JAM3: variants seen among roughly 807,000 people sequenced by gnomAD.
JAM3 encodes junctional adhesion molecule C.
In JAM3, 31 loss-of-function variants were observed where a neutral mutation model predicts 39.4. That is an observed-to-expected ratio of 0.79 (90% CI 0.59 to 1.06). The LOEUF (loss-of-function observed/expected upper bound fraction) is 1.06, where lower values mean the gene tolerates loss of function less well. Ranked by LOEUF, JAM3 falls within the 50% of genes least tolerant of loss-of-function variation. The pLI, the probability that JAM3 is intolerant of heterozygous loss-of-function variation, is 0.00. For missense variants in JAM3, 455 were observed against 391.4 expected (o/e 1.16, Z -1.37); for synonymous variants, 182 against 148.7 (o/e 1.22, Z -1.63).
intron 1 of JAM3, chr11:134,070,198 C>T: frequency 2.2e-6 from 1 of 456,244 alleles, no homozygotes; most frequent in Non-Finnish European, 4.4e-6. Flanking sequence ...CTTTCCAAGG[C>T]TGCATTCTAA....
chr11:134,095,354 C>G (rs540436199), intron 1 of JAM3, among the ~76,000 whole-genome samples: 17 of 151,990 alleles, frequency 1.1e-4, no homozygotes, highest in Non-Finnish European at 2.2e-4. Context: ...CTAATAGGCC[C>G]AGCGCAGTGG....
intron 1 of JAM3, among the ~76,000 whole-genome samples, chr11:134,093,628 A>T (rs1941918002): frequency 8.8e-6 from 1 of 113,788 alleles, no homozygotes; most frequent in African/African-American, 3.7e-5. Context: ...CTTATTCGTC[A>T]TGTTCCATCT....
chr11:134,112,569 A>G (rs1031087921), intron 1 of JAM3, among the ~76,000 whole-genome samples: 1 of 152,224 alleles, frequency 6.6e-6, no homozygotes, highest in African/African-American at 2.4e-5. Flanking sequence ...CATTTCCTGC[A>G]GTATATACTA....
At chr11:134,145,147 C>A in intron 5 of JAM3, 153 bp downstream of exon 5, 1 of 708,318 alleles carries the variant, frequency 1.4e-6, no homozygotes, top group Non-Finnish European at 2.5e-6. Context: ...AAAAATGACC[C>A]TTCTTCCTTT....
chr11:134,097,837 A>G lies in JAM3; in HGVS notation c.76+28678A>G, dbSNP rs920827965. Among the ~76,000 whole-genome samples the G allele has an allele frequency of 3.3e-5, 5 of 151,488 alleles. No homozygotes were observed. In the East Asian group the frequency reaches 5.8e-4, roughly 17 times the overall value. ...CTTCAGATTTTTAAATTTAAAGTCT[A>G]TTCTTAATTTTCTTTTATATATATG... On this transcript the variant is annotated intron_variant, in intron 1 of 8. Coordinates refer to ENST00000299106, the MANE Select transcript of JAM3 (RefSeq NM_032801.5).
chr11:134,140,860 G>A lies in JAM3; in HGVS notation c.256+90G>A, dbSNP rs532237402. On this transcript the variant is annotated intron_variant, in intron 3 of 8. Coordinates refer to ENST00000299106, the MANE Select transcript of JAM3 (RefSeq NM_032801.5). The stretch of plus-strand genomic sequence containing the variant: ...TTGGCCAGAAACTTACCTCAGACTG[G>A]TAACCTGCATCTGTAGCTAGGACCG... 25 of 1,502,384 alleles carry A rather than the reference G, an allele frequency of 1.7e-5. No individual in the cohort carries two copies. In the African/African-American group the frequency reaches 3.1e-4, roughly 19 times the overall value. The allele number at this position is 1,502,384 out of a possible 1,614,324, so 93.1% of individuals were successfully genotyped here. A position where few individuals can be genotyped will look rare whatever the true frequency, so the allele number is the denominator to read the frequency against.
intron 5 of JAM3, 125 bp downstream of exon 5, chr11:134,145,119 T>C (rs1407133386): frequency 1.2e-6 from 1 of 811,552 alleles, no homozygotes; most frequent in Non-Finnish European, 2.1e-6. Context: ...AAATCTAGAA[T>C]GTTAGGGATT....
intron 1 of JAM3, among the ~76,000 whole-genome samples, chr11:134,119,418 T>C (rs1056556310): frequency 5.9e-5 from 9 of 152,196 alleles, no homozygotes; most frequent in Admixed American, 2.0e-4. Context: ...TACAGTGAAA[T>C]GACTTAAGAT....
In JAM3 at chr11:134,149,046, A is replaced by G. The variant is rs1943138597; in HGVS notation, c.898-100A>G. 3 of 1,405,564 alleles carry G rather than the reference A, an allele frequency of 2.1e-6. No homozygotes were observed. The South Asian group carries it at 3.5e-5, about 16-fold the overall frequency. 87.1% of individuals were successfully genotyped at this position (1,405,564 alleles called of 1,614,324 possible). ...CTAGTGATGGTACTTTTTAAGAATG[A>G]TTATTCCATCTGTATTTAGCCCATG... On this transcript the variant is annotated intron_variant, in intron 8 of 8. Transcript: ENST00000299106.
intron 1 of JAM3, among the ~76,000 whole-genome samples, chr11:134,086,199 A>G (rs1181647287): frequency 6.6e-6 from 1 of 152,188 alleles, no homozygotes; most frequent in Non-Finnish European, 1.5e-5. Flanking sequence ...ATAAAATGTT[A>G]TTCTCTGCTT....
At chr11:134,082,331 C>T (rs1401940979) in intron 1 of JAM3, among the ~76,000 whole-genome samples, 1 of 152,114 alleles carries the variant, frequency 6.6e-6, no homozygotes, top group African/African-American at 2.4e-5. Flanking sequence ...TTTTGGGGGA[C>T]TGTTGGGAAG....
chr11:134,121,894 G>A (rs145665751), intron 1 of JAM3, among the ~76,000 whole-genome samples: 9 of 152,116 alleles, frequency 5.9e-5, no homozygotes, highest in African/African-American at 1.9e-4. Flanking sequence ...AAGGGAAAAG[G>A]TTTGTCATGG....
intron 1 of JAM3, among the ~76,000 whole-genome samples, chr11:134,114,802 T>C (rs1254902978): frequency 6.6e-6 from 1 of 152,230 alleles, no homozygotes; most frequent in Non-Finnish European, 1.5e-5. Flanking sequence ...TTTGCACTTG[T>C]CAAAAATATG....
intron 1 of JAM3, among the ~76,000 whole-genome samples, chr11:134,127,649 G>A (rs1056991132): frequency 6.6e-6 from 1 of 152,228 alleles, no homozygotes; most frequent in Admixed American, 6.5e-5. Flanking sequence ...GCAATGAGCT[G>A]AGATTATGCC....
At chr11:134,105,303 G>A (rs562888557) in intron 1 of JAM3, among the ~76,000 whole-genome samples, 5 of 152,060 alleles carry the variant, frequency 3.3e-5, no homozygotes, top group Admixed American at 2.0e-4. Context: ...AAATTCAACA[G>A]CCCTTCATGC....
chr11:134,117,733 C>A (rs920133344), intron 1 of JAM3, among the ~76,000 whole-genome samples: 18 of 152,288 alleles, frequency 1.2e-4, no homozygotes, highest in African/African-American at 4.3e-4. Context: ...TCCCTGTCTT[C>A]CATGCAATGG....
At chr11:134,114,965 ATTTG>A (rs759002231) in intron 1 of JAM3, among the ~76,000 whole-genome samples, 3 of 152,140 alleles carry the variant, frequency 2.0e-5, no homozygotes, top group Non-Finnish European at 4.4e-5. Flanking sequence ...AATCCTATGG[ATTTG>A]TTTATTTCTC....
rs112702294 is a variant in JAM3 at position 134,095,562 on chromosome 11, C to T, written c.76+26403C>T. Reference sequence around the variant, plus strand: ...AGGAGAATCACTTGAACCTGGGAGTCGGAGGTTGTAGTGAGCCGAGATCGC... The same window carrying T: ...AGGAGAATCACTTGAACCTGGGAGTTGGAGGTTGTAGTGAGCCGAGATCGC... On this transcript the variant is annotated intron_variant, in intron 1 of 8. Coordinates refer to ENST00000299106, the MANE Select transcript of JAM3 (RefSeq NM_032801.5). 6.0e-4 allele frequency among the ~76,000 whole-genome samples: 91 copies of T among 151,238 alleles called. 1 individual carries two copies. The highest frequency in any genetic ancestry group is 1.2e-3 in the Admixed American group (18 of 15,192).
chr11:134,072,369 C>T (rs1049167348), intron 1 of JAM3, among the ~76,000 whole-genome samples: 12 of 96,572 alleles, frequency 1.2e-4, no homozygotes, highest in African/African-American at 4.4e-4. Flanking sequence ...GCTCAGCTCA[C>T]TGCAAAACTC....
Sources: gnomAD v4.1 joint callset for allele counts (sites outside exome capture counted in the v4.1 genomes callset) on GRCh38, gnomAD v4.1.1 for gene constraint, MANE v1.5 for transcripts, NCBI Gene and HGNC (gene_info 2026-07-23, HGNC 2026-07-21) for gene names.